Variants in NALCN observed in about 807,000 individuals in gnomAD.
NALCN encodes the protein sodium leak channel NALCN.
A neutral mutation model predicts 225.3 loss-of-function variants in NALCN; 111 were observed. That is an observed-to-expected ratio of 0.49 (90% CI 0.42 to 0.58). The LOEUF is 0.58. NALCN is among the 20% of genes least tolerant of loss of function. NALCN has a pLI of 0.00. For synonymous variants in NALCN, 764 were observed against 769.0 expected (o/e 0.99, Z 0.11); for missense variants, 1,378 against 2,202.4 (o/e 0.63, Z 7.49).
chr13:101,101,281 C>CTTTTTTTTTTTTTTTTTTTTTTTT (rs60948311), intron 26 of NALCN, among the ~76,000 whole-genome samples: 3 of 112,368 alleles, frequency 2.7e-5, no homozygotes, highest in Non-Finnish European at 3.4e-5. Context: ...ATTTTTTTTT[C>CTTTTTTTTTTTTTTTTTTTTTTTT]TTTTTTTTTT....
intron 6 of NALCN, among the ~76,000 whole-genome samples, chr13:101,358,027 T>C (rs1292058949): frequency 1.3e-5 from 2 of 152,044 alleles, no homozygotes; most frequent in Non-Finnish European, 2.9e-5. Context: ...AGACAAAAAT[T>C]AAATCGAGAT....
chr13:101,080,490 T>C (rs1011859138), intron 34 of NALCN, among the ~76,000 whole-genome samples: 3 of 147,506 alleles, frequency 2.0e-5, no homozygotes, highest in Non-Finnish European at 3.0e-5. Context: ...ATTATATAAA[T>C]AATTATAATT....
chr13:101,308,794 G>A (rs1233257108), intron 7 of NALCN, among the ~76,000 whole-genome samples: 1 of 152,120 alleles, frequency 6.6e-6, no homozygotes, highest in Non-Finnish European at 1.5e-5. Context: ...ACAAGGCAAA[G>A]TTCCAACTGA....
chr13:101,182,368 C>T (rs533545563), intron 14 of NALCN, among the ~76,000 whole-genome samples: 3 of 152,168 alleles, frequency 2.0e-5, no homozygotes, highest in Admixed American at 1.3e-4. Flanking sequence ...TCTGGGAAAA[C>T]GCTGCGTGAC....
At chr13:101,229,278 T>A in intron 13 of NALCN, 115 bp downstream of exon 13, 1 of 1,019,950 alleles carries the variant, frequency 9.8e-7, no homozygotes, top group Non-Finnish European at 1.4e-6. Context: ...TTATCCCAAG[T>A]TATCAAAAAT....
intron 33 of NALCN, 38 bp from the exon 34 acceptor site, chr13:101,081,684 T>A: frequency 6.2e-7 from 1 of 1,608,452 alleles, no homozygotes; most frequent in Non-Finnish European, 8.5e-7. Flanking sequence ...ACAGAGAGAG[T>A]GTTTAGTACA....
At chr13:101,117,197 T>C (rs2035760266) in intron 18 of NALCN, among the ~76,000 whole-genome samples, 1 of 152,242 alleles carries the variant, frequency 6.6e-6, no homozygotes, top group Non-Finnish European at 1.5e-5. Flanking sequence ...AACTTCATTG[T>C]AGGCAGAAAA....
intron 18 of NALCN, chr13:101,116,915 C>T (rs757249720): frequency 2.0e-6 from 1 of 511,356 alleles, no homozygotes; most frequent in Non-Finnish European, 3.9e-6. Flanking sequence ...GGAAATGGCT[C>T]TTACCTGACT....
chr13:101,124,572 T>A (rs1160467382), intron 18 of NALCN, 36 bp downstream of exon 18: 4 of 1,549,868 alleles, frequency 2.6e-6, no homozygotes, highest in Middle Eastern at 1.7e-4. Context: ...TAATCCCACT[T>A]GTGTTTAAAT....
intron 15 of NALCN, among the ~76,000 whole-genome samples, chr13:101,149,862 A>G (rs892205707): frequency 2.0e-5 from 3 of 152,204 alleles, no homozygotes; most frequent in Non-Finnish European, 4.4e-5. Context: ...AGCATCAACT[A>G]AAAATGAGCA....
At chr13:101,194,457 T>C (rs1428093730) in intron 13 of NALCN, among the ~76,000 whole-genome samples, 3 of 152,188 alleles carry the variant, frequency 2.0e-5, no homozygotes, top group Non-Finnish European at 4.4e-5. Flanking sequence ...AAGGGTGCCT[T>C]ATCAGTTTTG....
chr13:101,279,113 A>G (rs1437648261), intron 10 of NALCN, among the ~76,000 whole-genome samples: 2 of 83,074 alleles, frequency 2.4e-5, no homozygotes, highest in African/African-American at 7.4e-5. Flanking sequence ...AGCAGACATC[A>G]ACAACTAATT....
At chr13:101,171,872 T>C (rs2038739966) in intron 15 of NALCN, among the ~76,000 whole-genome samples, 1 of 152,220 alleles carries the variant, frequency 6.6e-6, no homozygotes, top group Admixed American at 6.5e-5. Context: ...AAATTCATTG[T>C]AGCTTTAAAC....
In NALCN at chr13:101,364,483, G is replaced by T. The variant is rs144945594; in HGVS notation, c.644+12217C>A. Among the ~76,000 whole-genome samples, 13 of 152,212 alleles carry T rather than the reference G, an allele frequency of 8.5e-5. No homozygotes were observed. In the East Asian group the frequency reaches 2.5e-3, roughly 29 times the overall value. On this transcript the variant is annotated intron_variant, in intron 6 of 43. Coordinates refer to ENST00000251127, the MANE Select transcript of NALCN (RefSeq NM_052867.4). ...TGTTAAAAGAAATAAGCCAAGCACA[G>T]AAAGACAAATATCACATGATCTCAC...
chr13:101,300,521 G>C (rs1191350495), intron 7 of NALCN, among the ~76,000 whole-genome samples: 1 of 151,416 alleles, frequency 6.6e-6, no homozygotes, highest in Non-Finnish European at 1.5e-5. Context: ...TACAGTCTTG[G>C]CTCACTGCAG....
At chr13:101,189,595 G>A (rs1297750480) in intron 14 of NALCN, among the ~76,000 whole-genome samples, 1 of 152,182 alleles carries the variant, frequency 6.6e-6, no homozygotes, top group Non-Finnish European at 1.5e-5. Context: ...CAGATATCGA[G>A]TGACCAGCAG....
chr13:101,352,005 G>GC (rs2045920700), intron 6 of NALCN, among the ~76,000 whole-genome samples: 1 of 152,132 alleles, frequency 6.6e-6, no homozygotes, highest in South Asian at 2.1e-4. Context: ...TGATGACTTA[G>GC]CCTCTTTTCA....
chr13:101,280,050 T>C (rs997053518), intron 10 of NALCN, among the ~76,000 whole-genome samples: 2 of 152,142 alleles, frequency 1.3e-5, no homozygotes, highest in Non-Finnish European at 2.9e-5. Flanking sequence ...AATATATTTT[T>C]ACTTAATTCT....
At chr13:101,365,634 C>T (rs2046359324) in intron 6 of NALCN, among the ~76,000 whole-genome samples, 2 of 152,068 alleles carry the variant, frequency 1.3e-5, no homozygotes, top group East Asian at 3.9e-4. Context: ...TATAAAATAC[C>T]AAGTTCTATA....
Sources: gnomAD v4.1 joint callset for allele counts (sites outside exome capture counted in the v4.1 genomes callset) on GRCh38, gnomAD v4.1.1 for gene constraint, MANE v1.5 for transcripts, NCBI Gene and HGNC (gene_info 2026-07-23, HGNC 2026-07-21) for gene names.